Variants in INTS15 observed in about 807,000 individuals in gnomAD.
INTS15 encodes the protein uncharacterized protein C7orf26.
the INTS15 span, chr7:6,602,899 C>T: frequency 5.4e-6 from 2 of 371,098 alleles, no homozygotes; most frequent in Admixed American, 3.4e-5. Context: ...TGCCTCATGT[C>T]CCTCTTGCCT....
the INTS15 span, chr7:6,600,105 T>C: frequency 1.2e-6 from 2 of 1,614,160 alleles, no homozygotes; most frequent in South Asian, 1.1e-5. Flanking sequence ...TCCCACCTCT[T>C]GTACTCAAAA....
chr7:6,593,141 A>T, the INTS15 span, among the ~76,000 whole-genome samples: 94 of 152,272 alleles, frequency 6.2e-4, 2 homozygotes, highest in South Asian at 0.019. Flanking sequence ...CAGATGTTTT[A>T]TGTAGAGGGC....
chr7:6,595,828 A>C, the INTS15 span, among the ~76,000 whole-genome samples: 1 of 152,092 alleles, frequency 6.6e-6, no homozygotes, highest in Admixed American at 6.6e-5. Flanking sequence ...GACTGTAGGC[A>C]CACACTACCA....
the INTS15 span, chr7:6,607,634 G>A: frequency 3.4e-6 from 5 of 1,465,934 alleles, no homozygotes; most frequent in Middle Eastern, 1.9e-4. This position sits in a 1 kb window ranked among gnomAD's most constrained non-coding sequence, Gnocchi z 6.0. Context: ...AGGAGACTGT[G>A]GCCAGCTGTT....
the INTS15 span, among the ~76,000 whole-genome samples, chr7:6,605,815 C>G: frequency 2.0e-5 from 3 of 152,098 alleles, no homozygotes; most frequent in Non-Finnish European, 4.4e-5. Context: ...TCTCCTGCCT[C>G]AGCCTCCCGG....
At chr7:6,606,698 T>C in the INTS15 span, among the ~76,000 whole-genome samples, 1 of 60,244 alleles carries the variant, frequency 1.7e-5, no homozygotes, top group Non-Finnish European at 5.7e-5. Context: ...AGAGGGCCTT[T>C]TTTTTTTTTT....
chr7:6,603,438 T>C, the INTS15 span, among the ~76,000 whole-genome samples: 2 of 151,588 alleles, frequency 1.3e-5, no homozygotes, highest in Admixed American at 6.6e-5. Context: ...TCACAGCTAC[T>C]TGGGAGGCTG....
chr7:6,590,179 G>C, the INTS15 span: 1 of 1,072,268 alleles, frequency 9.3e-7, no homozygotes, highest in Non-Finnish European at 1.2e-6. Context: ...GGGTGCCGCA[G>C]CCCAGGCCCG....
At chr7:6,605,345 G>T in the INTS15 span, among the ~76,000 whole-genome samples, 3 of 152,228 alleles carry the variant, frequency 2.0e-5, no homozygotes, top group South Asian at 2.1e-4. Flanking sequence ...GAAGAACATT[G>T]TTGGTATCAG....
the INTS15 span, among the ~76,000 whole-genome samples, chr7:6,593,642 T>G: frequency 0.32 from 46,753 of 146,326 alleles, 7,781 homozygotes; most frequent in African/African-American, 0.4. Context: ...TCAGGTGGTG[T>G]TTTTCTGTTT....
At chr7:6,608,141 C>T in the INTS15 span, 13 of 1,421,606 alleles carry the variant, frequency 9.1e-6, no homozygotes, top group South Asian at 2.4e-5. Context: ...CGTGACCTTT[C>T]CCTTCAGGCC....
chr7:6,590,808 T>C, the INTS15 span, among the ~76,000 whole-genome samples: 1 of 152,026 alleles, frequency 6.6e-6, no homozygotes, highest in Admixed American at 6.6e-5. Flanking sequence ...TATGGCTTTC[T>C]TCTTACATCT....
the INTS15 span, chr7:6,594,439 C>T: frequency 1.0e-4 from 167 of 1,614,056 alleles, 1 homozygote; most frequent in Admixed American, 3.8e-4. Context: ...TTCCAGCGGA[C>T]GCCCGTGGTT....
the INTS15 span, among the ~76,000 whole-genome samples, chr7:6,596,959 T>C: frequency 6.6e-6 from 1 of 151,996 alleles, no homozygotes; most frequent in East Asian, 1.9e-4. Flanking sequence ...TTTGTATTTT[T>C]AGTAGAGATG....
At chr7:6,590,106 G>C in the INTS15 span, 1 of 419,266 alleles carries the variant, frequency 2.4e-6, no homozygotes, top group African/African-American at 2.1e-5. Flanking sequence ...CTGCTGGCCG[G>C]CGGCAGCAGC....
the INTS15 span, among the ~76,000 whole-genome samples, chr7:6,594,831 C>T: frequency 3.4e-4 from 52 of 152,228 alleles, no homozygotes; most frequent in African/African-American, 1.2e-3. Context: ...AGCAGTTCTC[C>T]TGCCTCAGCC....
At chr7:6,605,454 A>G in the INTS15 span, among the ~76,000 whole-genome samples, 1 of 152,194 alleles carries the variant, frequency 6.6e-6, no homozygotes, top group African/African-American at 2.4e-5. Context: ...AGGGAATTAA[A>G]AAGACAGCAG....
the INTS15 span, chr7:6,602,245 G>A: frequency 2.3e-6 from 2 of 857,706 alleles, no homozygotes; most frequent in Middle Eastern, 2.9e-4. Context: ...GGAGAGCCCA[G>A]TAAGCACATG....
the INTS15 span, chr7:6,607,991 C>T: frequency 6.2e-7 from 1 of 1,600,212 alleles, no homozygotes; most frequent in Non-Finnish European, 8.5e-7. The surrounding 1 kb of genome is among the most constrained non-coding windows in gnomAD (Gnocchi z 6.0). Context: ...GGGTCCCGTG[C>T]AGCAGTCGCC....
Sources: allele counts gnomAD v4.1 joint callset (sites outside exome capture counted in the v4.1 genomes callset), GRCh38; gene constraint gnomAD v4.1.1; non-coding constraint Gnocchi (gnomAD v3.1); transcripts MANE v1.5; gene names NCBI Gene and HGNC (gene_info 2026-07-23, HGNC 2026-07-21).